Variants in KIAA1958 observed in about 807,000 individuals in gnomAD.
KIAA1958 encodes KIAA1958.
A neutral mutation model predicts 47.2 loss-of-function variants in KIAA1958; 14 were observed. The observed-to-expected ratio is 0.30, with a 90% CI of 0.20 to 0.46. KIAA1958 has a LOEUF of 0.46. Among genes scored for constraint, KIAA1958 ranks in the 20% least tolerant of loss-of-function variants. The pLI, the probability that KIAA1958 is intolerant of heterozygous loss-of-function variation, is 1.00. For missense variants in KIAA1958, 803 were observed against 909.2 expected, an observed-to-expected ratio of 0.88 and a Z score of 1.50; for synonymous variants, 354 against 353.3, an observed-to-expected ratio of 1.00 and a Z score of -0.02.
chr9:112,505,287 C>T (rs1834213934), intron 1 of KIAA1958, among the ~76,000 whole-genome samples: 1 of 152,166 alleles, frequency 6.6e-6, no homozygotes, highest in South Asian at 2.1e-4. Context: ...ACTCAGACTG[C>T]CTGGCTTTGA....
At chr9:112,585,336 T>A (rs1212457168) in intron 2 of KIAA1958, among the ~76,000 whole-genome samples, 1 of 152,220 alleles carries the variant, frequency 6.6e-6, no homozygotes, top group Non-Finnish European at 1.5e-5. Context: ...AGTGGTTGAC[T>A]CAGCCTCAGG....
chr9:112,557,219 T>G lies in KIAA1958; in HGVS notation c.-24-16838T>G, dbSNP rs574248437. ...AAGCAGTCCTCCCTGGTTGGCCTGCTAAAGTGTTGGAATTACAGGAACCAC... is the reference window on the plus strand; with the variant it reads ...AAGCAGTCCTCCCTGGTTGGCCTGCGAAAGTGTTGGAATTACAGGAACCAC... On this transcript the variant is annotated intron_variant, in intron 1 of 3. Coordinates refer to ENST00000337530, the MANE Select transcript of KIAA1958 (RefSeq NM_133465.4). Among the ~76,000 whole-genome samples the G allele has an allele frequency of 1.9e-4, 29 of 152,266 alleles. No individual in the cohort carries two copies. In the East Asian group the frequency reaches 5.6e-3, roughly 29 times the overall value.
chr9:112,559,013 A>G (rs557416662), intron 1 of KIAA1958, among the ~76,000 whole-genome samples: 2 of 152,334 alleles, frequency 1.3e-5, no homozygotes, highest in African/African-American at 2.4e-5. Flanking sequence ...TGCATGTTTC[A>G]TCTTTTTCTA....
At chr9:112,601,520 G>C (rs563889800) in intron 2 of KIAA1958, among the ~76,000 whole-genome samples, 1 of 152,208 alleles carries the variant, frequency 6.6e-6, no homozygotes, top group South Asian at 2.1e-4. Context: ...TAAAAATGCA[G>C]ACTCCTCCTT....
intron 2 of KIAA1958, among the ~76,000 whole-genome samples, chr9:112,635,155 G>A (rs902278660): frequency 6.6e-6 from 1 of 151,296 alleles, no homozygotes; most frequent in Non-Finnish European, 1.5e-5. Flanking sequence ...TTTGGCAGTT[G>A]GAAGAATTTA....
At chr9:112,566,268 A>G (rs1036458326) in intron 1 of KIAA1958, among the ~76,000 whole-genome samples, 1 of 152,128 alleles carries the variant, frequency 6.6e-6, no homozygotes, top group African/African-American at 2.4e-5. Flanking sequence ...AATAAAATTT[A>G]TAATTTTATC....
chr9:112,511,761 T>A (rs954515552), intron 1 of KIAA1958, among the ~76,000 whole-genome samples: 6 of 152,218 alleles, frequency 3.9e-5, no homozygotes, highest in Middle Eastern at 3.4e-3. Flanking sequence ...AAAAAAATTT[T>A]AAAAATAGAA....
intron 2 of KIAA1958, among the ~76,000 whole-genome samples, chr9:112,639,188 A>C (rs1445557146): frequency 6.6e-6 from 1 of 152,172 alleles, no homozygotes; most frequent in Admixed American, 6.5e-5. Flanking sequence ...TTGCCCTAAC[A>C]GTGTCTTTTA....
In KIAA1958 at chr9:112,486,979, C is replaced by T. The variant is rs1564144926; in HGVS notation, c.-164C>T. The T allele has an allele frequency of 5.6e-6, 1 of 180,016 alleles. No individual in the cohort carries two copies. 11.2% of individuals were successfully genotyped at this position (180,016 alleles called of 1,614,324 possible). ...CGGGCGCCTTCCCCGCTCCACTTAC[C>T]TTTGGTGCCCGGCCCTCTGGCCGCT... On this transcript the variant is annotated 5_prime_UTR_variant, in exon 1 of 4. Coordinates refer to ENST00000337530, the MANE Select transcript of KIAA1958 (RefSeq NM_133465.4).
In KIAA1958 at chr9:112,574,378, G is replaced by A; in HGVS notation, c.298G>A (p.Glu100Lys). The A allele has an allele frequency of 6.2e-7, 1 of 1,614,174 alleles. No individual in the cohort carries two copies. Among genetic ancestry groups the A allele is most frequent in the Non-Finnish European group, 8.5e-7 (1 of 1,180,022 alleles). Reference sequence around the variant, plus strand: ...CTCTGAGACACAGACTAGCCCTGTTGAAAGGTACCCTGGGAGACCAGTGAA... The same window carrying A: ...CTCTGAGACACAGACTAGCCCTGTTAAAAGGTACCCTGGGAGACCAGTGAA... ...VPSETQTSPV[E>K]RYPGRPVKAK... The change falls in exon 2 of 4, where the codon GAA becomes AAA. Residue 100 changes from glutamate (E) to lysine (K), a missense_variant. Coordinates refer to ENST00000337530, the MANE Select transcript of KIAA1958 (RefSeq NM_133465.4).
Position 112,660,356 on chromosome 9 carries a change from C to A in KIAA1958, c.*287C>A, listed in dbSNP as rs1284857803. 1 of 389,808 alleles carries A rather than the reference C, an allele frequency of 2.6e-6. No individual in the cohort carries two copies. Among genetic ancestry groups the A allele is most frequent in the Non-Finnish European group, 4.6e-6 (1 of 216,010 alleles). 24.1% of individuals were successfully genotyped at this position (389,808 alleles called of 1,614,324 possible). A position where few individuals can be genotyped will look rare whatever the true frequency, so the allele number is the denominator to read the frequency against. ...ATACAAGAGTGAGGAAATTCATTTT[C>A]TCTAGTGCCTTTCTAGCACAGGTTT... On this transcript the variant is annotated 3_prime_UTR_variant, in exon 4 of 4. Coordinates refer to ENST00000337530, the MANE Select transcript of KIAA1958 (RefSeq NM_133465.4).
rs1834097669 is a variant in KIAA1958 at position 112,499,500 on chromosome 9, A to T, written c.-25+12382A>T. Among the ~76,000 whole-genome samples the T allele has an allele frequency of 2.0e-5, 3 of 152,132 alleles. No homozygotes were observed. In the South Asian group the frequency reaches 6.2e-4, roughly 32 times the overall value. ...ATTTTCCTTTTGAATTTTGTTAATG[A>T]GTATGAATATATTCATTGAAAAGCA... On this transcript the variant is annotated intron_variant, in intron 1 of 3. Transcript: ENST00000337530.
At chr9:112,589,394 C>G (rs1426036310) in intron 2 of KIAA1958, among the ~76,000 whole-genome samples, 3 of 151,996 alleles carry the variant, frequency 2.0e-5, no homozygotes, top group South Asian at 4.2e-4. Flanking sequence ...GTCAGGAGTT[C>G]AAGACCAGCC....
At chr9:112,625,504 G>C (rs765689794) in intron 2 of KIAA1958, among the ~76,000 whole-genome samples, 1 of 152,012 alleles carries the variant, frequency 6.6e-6, no homozygotes, top group Non-Finnish European at 1.5e-5. Context: ...GGAGGTGAAT[G>C]CCCAGGTGCT....
chr9:112,562,629 A>G (rs900290326), intron 1 of KIAA1958, among the ~76,000 whole-genome samples: 2 of 152,264 alleles, frequency 1.3e-5, no homozygotes, highest in African/African-American at 4.8e-5. Context: ...AGAAGCTTTT[A>G]TCTGCGTTGG....
chr9:112,648,268 G>A (rs1162876736), intron 3 of KIAA1958, among the ~76,000 whole-genome samples: 1 of 152,170 alleles, frequency 6.6e-6, no homozygotes, highest in African/African-American at 2.4e-5. Flanking sequence ...TGTGGTACAG[G>A]GAGGGAGAAT....
chr9:112,487,769 T>C (rs75050510), intron 1 of KIAA1958, among the ~76,000 whole-genome samples: 2,439 of 152,204 alleles, frequency 0.016, 57 homozygotes, highest in African/African-American at 0.056. Context: ...TTATCAAATA[T>C]ATCGAGAAAT....
intron 3 of KIAA1958, 106 bp from the exon 4 acceptor site, chr9:112,659,157 G>T: frequency 1.2e-6 from 1 of 863,290 alleles, no homozygotes; most frequent in Non-Finnish European, 1.8e-6. Flanking sequence ...TCCTGCTAAG[G>T]GGTCACAGAA....
intron 1 of KIAA1958, among the ~76,000 whole-genome samples, chr9:112,552,391 T>C (rs1234585041): frequency 2.0e-5 from 3 of 152,202 alleles, no homozygotes; most frequent in Non-Finnish European, 4.4e-5. Context: ...GCTTACACCG[T>C]GTTCATAGTA....
Sources: allele counts gnomAD v4.1 joint callset (sites outside exome capture counted in the v4.1 genomes callset), GRCh38; gene constraint gnomAD v4.1.1; transcripts MANE v1.5; gene names NCBI Gene and HGNC (gene_info 2026-07-23, HGNC 2026-07-21).